SIM2: variants seen among roughly 807,000 people sequenced by gnomAD.
The protein encoded by SIM2 is single-minded homolog 2.
A neutral mutation model predicts 64.8 loss-of-function variants in SIM2; 28 were observed. The observed-to-expected ratio is 0.43, with a 90% CI of 0.32 to 0.59. The LOEUF is 0.59. Among genes scored for constraint, SIM2 ranks in the 20% least tolerant of loss-of-function variants. The pLI, the probability that SIM2 is intolerant of heterozygous loss-of-function variation, is 0.07. For synonymous variants in SIM2, 408 were observed against 391.1 expected (o/e 1.04, Z -0.51); for missense variants, 847 against 871.4 (o/e 0.97, Z 0.35).
rs185475363 is a variant in SIM2 at position 36,747,520 on chromosome 21, T to C, written c.1577-145T>C. The stretch of plus-strand genomic sequence containing the variant: ...CGTCCTGAGATTGGACAGCACGGCC[T>C]AGACTAAGGCGGGGGAGGGCGACAG... On this transcript the variant is annotated intron_variant, in intron 10 of 10. Transcript: ENST00000290399. This position sits in a 1 kb window ranked among gnomAD's most constrained non-coding sequence, Gnocchi z 4.5. 1 of 416,876 alleles carries C rather than the reference T, an allele frequency of 2.4e-6. No individual in the cohort carries two copies. The highest frequency in any genetic ancestry group is 3.7e-6 in the Non-Finnish European group (1 of 271,726). 25.8% of individuals were successfully genotyped at this position (416,876 alleles called of 1,614,324 possible).
Position 36,744,886 on chromosome 21 carries a change from C to T in SIM2, c.1326C>T (p.Tyr442=). The stretch of plus-strand genomic sequence containing the variant: ...CATCCTACAGCCTGCCCTTCTCCTA[C>T]CATTACGGACACTTCCCTCTGGACT... ...YTPSYSLPFS[Y]HYGHFPLDSH... is the part of the protein sequence containing the mutation. The change falls in exon 10 of 11, where the codon TAC becomes TAT. Residue 442 remains tyrosine, a synonymous_variant. Coordinates refer to ENST00000290399, the MANE Select transcript of SIM2 (RefSeq NM_005069.6). The T allele has an allele frequency of 1.9e-6, 3 of 1,614,252 alleles. No homozygotes were observed. Among genetic ancestry groups the T allele is most frequent in the Non-Finnish European group, 2.5e-6 (3 of 1,180,046 alleles).
chr21:36,706,174 G>A (rs766699077), intron 1 of SIM2, among the ~76,000 whole-genome samples: 3 of 152,226 alleles, frequency 2.0e-5, no homozygotes, highest in Non-Finnish European at 2.9e-5. Flanking sequence ...TGTGAGGAAC[G>A]GCAGGCAGGG....
rs1310830149 is a variant in SIM2, at chr21:36,748,217, C to G, written c.*125C>G. On this transcript the variant is annotated 3_prime_UTR_variant, in exon 11 of 11. Coordinates refer to ENST00000290399, the MANE Select transcript of SIM2 (RefSeq NM_005069.6). The stretch of plus-strand genomic sequence containing the variant: ...GACAGCTGTTTGAATTGGACCCCGC[C>G]GCCGACTTGCGGATTTCCACCGCGG... The G allele has an allele frequency of 9.1e-6, 4 of 441,322 alleles. No individual in the cohort carries two copies. Among genetic ancestry groups the G allele is most frequent in the African/African-American group, 2.1e-5 (1 of 46,806 alleles). The allele number at this position is 441,322 out of a possible 1,614,324, so 27.3% of individuals were successfully genotyped here.
intron 7 of SIM2, among the ~76,000 whole-genome samples, chr21:36,738,565 G>T (rs2089107158): frequency 6.6e-6 from 1 of 152,170 alleles, no homozygotes; most frequent in South Asian, 2.1e-4. Context: ...TAGCTATAGA[G>T]AACTTTCCAG....
At position 36,743,388 on chromosome 21, in the gene SIM2, G is replaced by A. The variant is rs143650216; in HGVS notation, c.1000G>A (p.Glu334Lys). Residue 334 changes from glutamate (E) to lysine (K), a missense_variant and splice_region_variant, in exon 9 of 11, where the codon GAG (glutamate) becomes AAG (lysine). Coordinates refer to ENST00000290399, the MANE Select transcript of SIM2 (RefSeq NM_005069.6). ...CIVSVNYVLT[E>K]IEYKELQLSL... ...ACTCGGCCCACTCTCGCCTTCCAGG[G>A]AGATTGAATACAAGGAACTTCAGCT... The A allele has an allele frequency of 3.2e-3, 5,086 of 1,611,036 alleles. 76 individuals are homozygous for A. Among genetic ancestry groups the A allele is most frequent in the Non-Finnish European group, 1.7e-3 (1,994 of 1,178,900 alleles).
chr21:36,709,271 G>C (rs896299969), intron 2 of SIM2, 21 bp downstream of exon 2: 2 of 1,571,120 alleles, frequency 1.3e-6, no homozygotes, highest in Non-Finnish European at 8.6e-7. Context: ...CTCGCCGGGG[G>C]AGGAGCGCAG....
intron 8 of SIM2, 93 bp from the exon 9 acceptor site, chr21:36,743,294 C>A: frequency 2.9e-6 from 3 of 1,052,232 alleles, no homozygotes; most frequent in Non-Finnish European, 4.2e-6. Flanking sequence ...CACACTGGAG[C>A]ACTGAGAACG....
At chr21:36,737,632 A>G (rs1166289999) in intron 7 of SIM2, among the ~76,000 whole-genome samples, 1 of 152,234 alleles carries the variant, frequency 6.6e-6, no homozygotes, top group Admixed American at 6.5e-5. Flanking sequence ...CTCTCTAGGT[A>G]GGCTCCTGCC....
intron 9 of SIM2, among the ~76,000 whole-genome samples, chr21:36,743,956 T>C (rs1055090539): frequency 6.6e-6 from 1 of 152,180 alleles, no homozygotes; most frequent in Non-Finnish European, 1.5e-5. Context: ...CTCTCAGAAA[T>C]AGCAATTGTC....
rs368057275 is a variant in SIM2, at chr21:36,744,992, T to G, written c.1432T>G (p.Phe478Val). ...PQGSPCEVAR[F>V]FLSTLPASGE... The stretch of plus-strand genomic sequence containing the variant: ...AGGATCCCCTTGTGAGGTGGCACGC[T>G]TTTTCCTGAGCACACTGCCAGCCAG... The change falls in exon 10 of 11, where the codon TTT (phenylalanine) becomes GTT (valine). Residue 478 changes from phenylalanine (F) to valine (V), a missense_variant. Physicochemically the swap from Phe to Val is conservative, Grantham distance 50. Coordinates refer to ENST00000290399, the MANE Select transcript of SIM2 (RefSeq NM_005069.6). 1.9e-4 allele frequency: 309 copies of G among 1,614,224 alleles called. 3 individuals carry two copies. Among genetic ancestry groups the G allele is most frequent in the Non-Finnish European group, 3.4e-5 (40 of 1,180,048 alleles).
chr21:36,719,869 C>A lies in SIM2; in HGVS notation c.397C>A (p.His133Asn). The A allele has an allele frequency of 6.2e-7, 1 of 1,613,464 alleles. No individual in the cohort carries two copies. Among genetic ancestry groups the A allele is most frequent in the Admixed American group, 1.7e-5 (1 of 60,004 alleles). ...TTATGAATACATCCATCCTTCTGAC[C>A]ACGATGAGATGACCGCTGTCCTCAC... ...SIYEYIHPSD[H>N]DEMTAVLTAH... Residue 133 changes from histidine to asparagine, a missense_variant, in exon 4 of 11, where the codon CAC becomes AAC. His to Asn is a moderately conservative substitution (Grantham distance 68). Transcript: ENST00000290399.
chr21:36,726,217 C>T lies in SIM2; in HGVS notation c.642C>T (p.Gly214=), dbSNP rs771760489. The T allele has an allele frequency of 2.5e-6, 4 of 1,613,832 alleles. No homozygotes were observed. The highest frequency in any genetic ancestry group is 3.4e-6 in the Non-Finnish European group (4 of 1,180,008). ...CYQIVGLVAV[G]QSLPPSAITE... is the part of the protein sequence containing the mutation. ...AGATTGTGGGGCTGGTGGCCGTGGG[C>T]CAGTCGCTGCCACCCAGTGCCATCA... is the stretch of plus-strand genomic sequence containing the variant. Residue 214 remains glycine, a synonymous_variant, in exon 6 of 11, where the codon GGC becomes GGT. Coordinates refer to ENST00000290399, the MANE Select transcript of SIM2 (RefSeq NM_005069.6). The surrounding 1 kb of genome is among the most constrained non-coding windows in gnomAD (Gnocchi z 4.5).
chr21:36,738,461 T>C (rs2089104972), intron 7 of SIM2, among the ~76,000 whole-genome samples: 1 of 152,152 alleles, frequency 6.6e-6, no homozygotes, highest in Admixed American at 6.5e-5. Context: ...GCTGAGCTCA[T>C]GCCACTGCAC....
chr21:36,721,317 G>A (rs925872481), intron 4 of SIM2, among the ~76,000 whole-genome samples: 3 of 152,196 alleles, frequency 2.0e-5, no homozygotes, highest in South Asian at 2.1e-4. Context: ...CTAGAACATC[G>A]CACCTGAATC....
Position 36,699,867 on chromosome 21 carries a change from TC to T in SIM2, c.123del (p.Ile42SerfsTer9). ...SAITSQLDKA[S>X]IIRLTTSYLK... ...CATCACTTCGCAGCTGGACAAAGCG[TC>T]CATCATCCGCCTCACCACGAGCTAC... is the stretch of plus-strand genomic sequence containing the variant. On this transcript the variant is annotated frameshift_variant, in exon 1 of 11. Transcript: ENST00000290399. LOFTEE classifies it high-confidence loss of function. This position sits in a 1 kb window ranked among gnomAD's most constrained non-coding sequence, Gnocchi z 5.6. 6.2e-7 allele frequency: 1 copy of T among 1,608,990 alleles called. No individual in the cohort carries two copies. The highest frequency in any genetic ancestry group is 8.5e-7 in the Non-Finnish European group (1 of 1,177,844).
At chr21:36,700,803 G>T (rs2123401063) in intron 1 of SIM2, among the ~76,000 whole-genome samples, 1 of 152,370 alleles carries the variant, frequency 6.6e-6, no homozygotes, top group East Asian at 1.9e-4. Context: ...CGATTAATTC[G>T]AAAATGGCAG....
At position 36,719,907 on chromosome 21, in the gene SIM2, G is replaced by A. The variant is rs376797522; in HGVS notation, c.435G>A (p.Pro145=). Reference sequence around the variant, plus strand: ...CCGCTGTCCTCACGGCCCACCAGCCGCTGCACCACCACCTGCTCCAAGGTA... The same window carrying A: ...CCGCTGTCCTCACGGCCCACCAGCCACTGCACCACCACCTGCTCCAAGGTA... ...EMTAVLTAHQ[P]LHHHLLQEYE... Residue 145 remains proline, a synonymous_variant, in exon 4 of 11, where the codon CCG becomes CCA. Transcript: ENST00000290399. 3.4e-5 allele frequency: 55 copies of A among 1,609,426 alleles called. No individual in the cohort carries two copies. The highest frequency in any genetic ancestry group is 1.1e-4 in the African/African-American group (8 of 74,592).
intron 1 of SIM2, among the ~76,000 whole-genome samples, chr21:36,702,612 C>G (rs994900036): frequency 6.7e-6 from 1 of 148,924 alleles, no homozygotes; most frequent in Non-Finnish European, 1.5e-5. Context: ...GCAAACTGGT[C>G]ACCCTTCCAG....
intron 3 of SIM2, among the ~76,000 whole-genome samples, chr21:36,718,193 C>T (rs950279613): frequency 7.2e-5 from 11 of 152,218 alleles, no homozygotes; most frequent in East Asian, 1.9e-4. Flanking sequence ...GAAAGCAACT[C>T]GCTCTTCTTA....
Sources: gnomAD v4.1 joint callset for allele counts (sites outside exome capture counted in the v4.1 genomes callset) on GRCh38, gnomAD v4.1.1 for gene constraint, Gnocchi (gnomAD v3.1) non-coding constraint, MANE v1.5 for transcripts, NCBI Gene and HGNC (gene_info 2026-07-23, HGNC 2026-07-21) for gene names.